The following CACNA2D3 variants were observed in gnomAD, a reference collection of about 807,000 sequenced individuals.
CACNA2D3 encodes voltage-dependent calcium channel subunit alpha-2/delta-3.
In CACNA2D3, 60 loss-of-function variants were observed where a neutral mutation model predicts 160.6. The observed-to-expected ratio is 0.37, with a 90% CI of 0.30 to 0.46. CACNA2D3 has a LOEUF of 0.46. CACNA2D3 is among the 20% of genes least tolerant of loss of function. The probability of loss-of-function intolerance (pLI) is 1.00; values close to 1 mark genes in which losing one functional copy is unlikely to be tolerated. For missense variants in CACNA2D3, 1,205 were observed against 1,365.0 expected (o/e 0.88, Z 1.85); for synonymous variants, 558 against 492.9 (o/e 1.13, Z -1.75).
At chr3:54,206,279 G>C (rs1296865329) in intron 2 of CACNA2D3, among the ~76,000 whole-genome samples, 1 of 152,176 alleles carries the variant, frequency 6.6e-6, no homozygotes, top group East Asian at 1.9e-4. Context: ...TGAGGGTCCT[G>C]AGGCTATGAG....
chr3:54,736,046 CACATACATAT>C (rs1701503296), intron 11 of CACNA2D3, among the ~76,000 whole-genome samples: 5 of 71,442 alleles, frequency 7.0e-5, no homozygotes, highest in African/African-American at 3.2e-4. Context: ...TATATATATA[CACATACATAT>C]GTATGTATAT....
At chr3:54,284,085 A>G (rs1246125320) in intron 2 of CACNA2D3, among the ~76,000 whole-genome samples, 1 of 152,074 alleles carries the variant, frequency 6.6e-6, no homozygotes, top group Non-Finnish European at 1.5e-5. Context: ...CAAAAACAAA[A>G]CAAAACTACT....
intron 2 of CACNA2D3, among the ~76,000 whole-genome samples, chr3:54,298,712 G>T (rs1231738629): frequency 1.3e-5 from 2 of 152,040 alleles, no homozygotes; most frequent in African/African-American, 4.8e-5. Context: ...AGGCTGAGGT[G>T]GGGGGAATTA....
chr3:54,787,068 CAT>C lies in CACNA2D3; in HGVS notation c.1380+22718_1380+22719del, dbSNP rs1450728855. Among the ~76,000 whole-genome samples, 30 of 152,330 alleles carry C rather than the reference CAT, an allele frequency of 2.0e-4. No homozygotes were observed. The South Asian group carries it at 5.4e-3, about 27-fold the overall frequency. On this transcript the variant is annotated intron_variant, in intron 13 of 37. Transcript: ENST00000474759. ...AAACGATCAAATTTTACCATTCCCA[CAT>C]GTTTCAGAGCTTTTCCCTTCTTGTG...
chr3:54,314,753 T>C (rs1031676319), intron 2 of CACNA2D3, among the ~76,000 whole-genome samples: 2 of 152,210 alleles, frequency 1.3e-5, no homozygotes, highest in Non-Finnish European at 2.9e-5. Context: ...ACTTTACTCG[T>C]TATCATGTGC....
chr3:54,559,196 G>C (rs1702285853), intron 5 of CACNA2D3, among the ~76,000 whole-genome samples: 1 of 152,182 alleles, frequency 6.6e-6, no homozygotes, highest in Admixed American at 6.5e-5. Flanking sequence ...AACCATCACA[G>C]AGCATCCTCA....
chr3:54,431,457 A>G (rs1699989647), intron 4 of CACNA2D3, among the ~76,000 whole-genome samples: 1 of 152,150 alleles, frequency 6.6e-6, no homozygotes, highest in South Asian at 2.1e-4. Context: ...GAGTAGGCTG[A>G]TTAGGAGGAA....
At chr3:54,746,527 G>A (rs1701756093) in intron 11 of CACNA2D3, among the ~76,000 whole-genome samples, 1 of 152,190 alleles carries the variant, frequency 6.6e-6, no homozygotes, top group Admixed American at 6.5e-5. Context: ...AGGAAGGCAT[G>A]CCTAATACGG....
chr3:54,220,886 G>C (rs1397768726), intron 2 of CACNA2D3, among the ~76,000 whole-genome samples: 1 of 152,194 alleles, frequency 6.6e-6, no homozygotes, highest in Non-Finnish European at 1.5e-5. Flanking sequence ...GTGCGTGACT[G>C]AGTGGCTTCC....
chr3:54,602,784 C>A (rs1703087833), intron 9 of CACNA2D3, among the ~76,000 whole-genome samples: 1 of 152,084 alleles, frequency 6.6e-6, no homozygotes, highest in African/African-American at 2.4e-5. Flanking sequence ...TTAGGGCAGC[C>A]TGTCTTTGTT....
At position 54,222,227 on chromosome 3, in the gene CACNA2D3, A is replaced by G. The variant is rs867122929; in HGVS notation, c.205-98215A>G. Among the ~76,000 whole-genome samples the G allele has an allele frequency of 2.0e-5, 3 of 152,342 alleles. No homozygotes were observed. The South Asian group carries it at 6.2e-4, about 32-fold the overall frequency. The stretch of plus-strand genomic sequence containing the variant: ...GCAGTAAGCAAGCTGGGGATCCAGG[A>G]TAGCTGATGGTGTAGTTCCAGTCTG... On this transcript the variant is annotated intron_variant, in intron 2 of 37. Coordinates refer to ENST00000474759, the MANE Select transcript of CACNA2D3 (RefSeq NM_018398.3).
chr3:54,295,989 G>A (rs573799042), intron 2 of CACNA2D3, among the ~76,000 whole-genome samples: 1 of 152,130 alleles, frequency 6.6e-6, no homozygotes, highest in Non-Finnish European at 1.5e-5. Flanking sequence ...AGGGTAGGGA[G>A]CCCAGGGTGC....
At chr3:55,025,527 C>G (rs1014164482) in intron 35 of CACNA2D3, among the ~76,000 whole-genome samples, 2 of 148,894 alleles carry the variant, frequency 1.3e-5, no homozygotes, top group African/African-American at 5.0e-5. Context: ...AGCTGCTACT[C>G]GGGAGCTGAG....
At chr3:54,628,354 G>C (rs1278006052) in intron 10 of CACNA2D3, among the ~76,000 whole-genome samples, 1 of 152,244 alleles carries the variant, frequency 6.6e-6, no homozygotes, top group East Asian at 1.9e-4. Flanking sequence ...ATGCCAGCCA[G>C]TGAGGTCAAA....
intron 2 of CACNA2D3, among the ~76,000 whole-genome samples, chr3:54,287,849 G>T (rs989227991): frequency 7.3e-5 from 11 of 149,818 alleles, no homozygotes; most frequent in African/African-American, 2.7e-4. Flanking sequence ...CGAAATGAAG[G>T]CAGAAATAAA....
chr3:54,729,357 A>C (rs1243333124), intron 11 of CACNA2D3, among the ~76,000 whole-genome samples: 1 of 152,108 alleles, frequency 6.6e-6, no homozygotes, highest in Admixed American at 6.5e-5. Flanking sequence ...TCTTTTTTGT[A>C]GTTTATCCAA....
intron 4 of CACNA2D3, among the ~76,000 whole-genome samples, chr3:54,393,588 G>A (rs1243809642): frequency 1.3e-5 from 2 of 152,138 alleles, no homozygotes; most frequent in Non-Finnish European, 1.5e-5. Flanking sequence ...ATCGTGCTTC[G>A]CCCCTCAGAG....
At chr3:54,653,984 G>C (rs528896417) in intron 11 of CACNA2D3, among the ~76,000 whole-genome samples, 46 of 152,264 alleles carry the variant, frequency 3.0e-4, no homozygotes, top group African/African-American at 1.1e-3. Context: ...TTAGTTCACT[G>C]TGTAATGCTT....
intron 8 of CACNA2D3, among the ~76,000 whole-genome samples, chr3:54,571,706 T>C (rs912017771): frequency 1.3e-5 from 2 of 150,270 alleles, no homozygotes; most frequent in Admixed American, 1.3e-4. Flanking sequence ...TCACATCTAT[T>C]TGGGAGGTGG....
Sources: allele counts gnomAD v4.1 joint callset (sites outside exome capture counted in the v4.1 genomes callset), GRCh38; gene constraint gnomAD v4.1.1; transcripts MANE v1.5; gene names NCBI Gene and HGNC (gene_info 2026-07-23, HGNC 2026-07-21).